Variants in PIK3CD observed in about 807,000 individuals in gnomAD.
PIK3CD encodes the protein phosphatidylinositol 4,5-bisphosphate 3-kinase catalytic subunit delta isoform.
Under a neutral mutation model 122.9 loss-of-function variants are expected in PIK3CD, and 20 were observed. The observed-to-expected ratio is 0.16, with a 90% CI of 0.11 to 0.24. The LOEUF is 0.24. Ranked by LOEUF, PIK3CD falls within the 10% of genes least tolerant of loss-of-function variation. PIK3CD has a pLI of 1.00. For synonymous variants in PIK3CD, 596 were observed against 593.4 expected (o/e 1.00, Z -0.06); for missense variants, 787 against 1,406.3 (o/e 0.56, Z 7.04).
chr1:9,708,923 G>A lies in PIK3CD; in HGVS notation c.-32-1501G>A, dbSNP rs184248374. On this transcript the variant is annotated intron_variant, in intron 2 of 23. Coordinates refer to ENST00000377346, the MANE Select transcript of PIK3CD (RefSeq NM_005026.5). ...ACCTGTAGTGGAGTAGGCTAGAGGCGGGGAAGGGAGAAGGGGACCTGGAAG... is the reference window on the plus strand; with the variant it reads ...ACCTGTAGTGGAGTAGGCTAGAGGCAGGGAAGGGAGAAGGGGACCTGGAAG... Among the ~76,000 whole-genome samples the A allele has an allele frequency of 9.4e-4, 143 of 152,298 alleles. 1 individual carries two copies. The Middle Eastern group carries it at 0.031, about 33-fold the overall frequency.
chr1:9,698,478 A>G (rs967229669), intron 2 of PIK3CD, among the ~76,000 whole-genome samples: 3 of 152,228 alleles, frequency 2.0e-5, no homozygotes, highest in Non-Finnish European at 4.4e-5. Context: ...CAACAAGCAT[A>G]TGTCACAGTG....
the PIK3CD span, among the ~76,000 whole-genome samples, chr1:9,633,589 G>A: frequency 9.2e-5 from 14 of 152,342 alleles, no homozygotes; most frequent in African/African-American, 3.4e-4. Context: ...GATTACAGGC[G>A]TGAGCCATCG....
Position 9,689,038 on chromosome 1 carries a change from G to C in PIK3CD, c.-137-2429G>C, listed in dbSNP as rs536881802. On this transcript the variant is annotated intron_variant, in intron 1 of 23. Transcript: ENST00000377346. This position sits in a 1 kb window ranked among gnomAD's most constrained non-coding sequence, Gnocchi z 6.1. ...AGGGAACAGCCAGCAGGCTGGATTTGAGCCCAGAGCCCGGGCTGGCCAATT... is the reference window on the plus strand; with the variant it reads ...AGGGAACAGCCAGCAGGCTGGATTTCAGCCCAGAGCCCGGGCTGGCCAATT... 6.6e-6 allele frequency among the ~76,000 whole-genome samples: 1 copy of C among 152,360 alleles called. No individual in the cohort carries two copies. Among genetic ancestry groups the C allele is most frequent in the South Asian group, 2.1e-4 (1 of 4,834 alleles).
intron 1 of PIK3CD, among the ~76,000 whole-genome samples, chr1:9,688,861 T>C (rs1646074561): frequency 6.6e-6 from 1 of 151,616 alleles, no homozygotes; most frequent in Non-Finnish European, 1.5e-5. Context: ...CAGAGTTTTT[T>C]TTAAGTGCGG....
rs551747298 is a variant in PIK3CD at position 9,675,252 on chromosome 1, A to G, written c.-137-16215A>G. On this transcript the variant is annotated intron_variant, in intron 1 of 23. Transcript: ENST00000377346. ...TACAAAAAAATTAGCCGGGCGTGGT[A>G]GCGGGCGCCTGTAGTCCCAGCTACT... Among the ~76,000 whole-genome samples the G allele has an allele frequency of 1.4e-3, 212 of 149,648 alleles. 1 individual carries two copies. The highest frequency in any genetic ancestry group is 2.6e-3 in the Non-Finnish European group (172 of 67,370).
At chr1:9,647,481 AATTATTATTATTATTATTATT>A (rs61118085), upstream of PIK3CD, among the ~76,000 whole-genome samples, 1 of 139,450 alleles carries the variant, frequency 7.2e-6, no homozygotes, top group Non-Finnish European at 1.5e-5. Flanking sequence ...TCATGATTCT[AATTATTATTATTATTATTATT>A]ATTATTATTA....
rs370071414 is a variant in PIK3CD at position 9,702,053 on chromosome 1, G to A, written c.-32-8371G>A. ...TCTGTTGCCCAGGCTGAAGTGCAGTGGTGCGATCTCGGCTCACTGCAACCT... is the reference window on the plus strand; with the variant it reads ...TCTGTTGCCCAGGCTGAAGTGCAGTAGTGCGATCTCGGCTCACTGCAACCT... On this transcript the variant is annotated intron_variant, in intron 2 of 23. Coordinates refer to ENST00000377346, the MANE Select transcript of PIK3CD (RefSeq NM_005026.5). Among the ~76,000 whole-genome samples the A allele has an allele frequency of 8.4e-4, 127 of 151,184 alleles. 1 individual carries two copies. The Middle Eastern group carries it at 0.031, about 36-fold the overall frequency.
chr1:9,658,197 A>G (rs1348177170), intron 1 of PIK3CD, among the ~76,000 whole-genome samples: 1 of 152,038 alleles, frequency 6.6e-6, no homozygotes, highest in Non-Finnish European at 1.5e-5. Context: ...AGCCTGGGCA[A>G]CATAGTAAGA....
intron 2 of PIK3CD, among the ~76,000 whole-genome samples, chr1:9,702,500 C>CTT (rs60167511): frequency 0.028 from 710 of 25,776 alleles, 253 homozygotes; most frequent in South Asian, 0.051. Flanking sequence ...AAGAACTTTC[C>CTT]TTTTTTTTTT....
At chr1:9,686,907 C>T (rs1368980225) in intron 1 of PIK3CD, among the ~76,000 whole-genome samples, 1 of 152,178 alleles carries the variant, frequency 6.6e-6, no homozygotes, top group Non-Finnish European at 1.5e-5. Flanking sequence ...ATTTTCCATG[C>T]ATCTGTATTC....
intron 1 of PIK3CD, among the ~76,000 whole-genome samples, chr1:9,687,707 G>A (rs1356236569): frequency 6.6e-6 from 1 of 152,192 alleles, no homozygotes; most frequent in Non-Finnish European, 1.5e-5. Flanking sequence ...TGTGAAGAGC[G>A]AGAGCGCGTG....
At chr1:9,646,382 C>T in the PIK3CD span, among the ~76,000 whole-genome samples, 1 of 152,214 alleles carries the variant, frequency 6.6e-6, no homozygotes, top group Non-Finnish European at 1.5e-5. Context: ...ATGCAGTGCA[C>T]ATCACGAGGC....
chr1:9,688,900 C>A (rs547437494), intron 1 of PIK3CD, among the ~76,000 whole-genome samples: 5 of 152,190 alleles, frequency 3.3e-5, no homozygotes, highest in African/African-American at 1.2e-4. Context: ...GTTGTTACTG[C>A]ACGCACACCG....
At position 9,681,507 on chromosome 1, in the gene PIK3CD, C is replaced by T. The variant is rs183782626; in HGVS notation, c.-137-9960C>T. Among the ~76,000 whole-genome samples the T allele has an allele frequency of 2.8e-3, 424 of 152,284 alleles. 10 individuals carry two copies. Among genetic ancestry groups the T allele is most frequent in the Admixed American group, 0.026 (396 of 15,284 alleles). ...TCGGCTCACTGCAACCTCCCCTTCC[C>T]GGGTTAAAGCGATTCTCCTGCCTCA... On this transcript the variant is annotated intron_variant, in intron 1 of 23. Coordinates refer to ENST00000377346, the MANE Select transcript of PIK3CD (RefSeq NM_005026.5).
rs1267129964 is a variant in PIK3CD, at chr1:9,719,782, A to G, written c.1243-139A>G. ...AAAAAGCGGCTCCTCTCCTTCCCCA[A>G]GCAGGGTCTCCCAGGGGTCTGGTTG... On this transcript the variant is annotated intron_variant, in intron 9 of 23. Coordinates refer to ENST00000377346, the MANE Select transcript of PIK3CD (RefSeq NM_005026.5). The surrounding 1 kb of genome is among the most constrained non-coding windows in gnomAD (Gnocchi z 5.5). 1.3e-6 allele frequency: 1 copy of G among 773,432 alleles called. No homozygotes were observed. 47.9% of individuals were successfully genotyped at this position (773,432 alleles called of 1,614,324 possible).
Position 9,710,675 on chromosome 1 carries a change from AGACAGACAGATGGACAGGTGGACAGACG to A in PIK3CD, c.141+97_141+124del, listed in dbSNP as rs1452555597. 24 of 1,512,624 alleles carry A rather than the reference AGACAGACAGATGGACAGGTGGACAGACG, an allele frequency of 1.6e-5. No homozygotes were observed. In the East Asian group the frequency reaches 3.4e-4, roughly 21 times the overall value. 93.7% of individuals were successfully genotyped at this position (1,512,624 alleles called of 1,614,324 possible). A position where few individuals can be genotyped will look rare whatever the true frequency, so the allele number is the denominator to read the frequency against. On this transcript the variant is annotated intron_variant, in intron 3 of 23. Coordinates refer to ENST00000377346, the MANE Select transcript of PIK3CD (RefSeq NM_005026.5). This position sits in a 1 kb window ranked among gnomAD's most constrained non-coding sequence, Gnocchi z 4.7. ...GAGAGACACAGATAGACAGACAGAC[AGACAGACAGATGGACAGGTGGACAGACG>A]GACAGACAGATGGACAGATGCACTG...
chr1:9,654,788 G>A (rs556741409), intron 1 of PIK3CD, among the ~76,000 whole-genome samples: 1 of 152,088 alleles, frequency 6.6e-6, no homozygotes, highest in South Asian at 2.1e-4. Flanking sequence ...GGCTGGGCGC[G>A]GTGGCTCACG....
At chr1:9,684,092 C>G (rs1417161300) in intron 1 of PIK3CD, among the ~76,000 whole-genome samples, 1 of 152,154 alleles carries the variant, frequency 6.6e-6, no homozygotes. Context: ...ATGGCCTCAC[C>G]TCTCAAGTCA....
intron 2 of PIK3CD, among the ~76,000 whole-genome samples, chr1:9,696,406 G>C (rs1477419237): frequency 6.6e-6 from 1 of 151,444 alleles, no homozygotes; most frequent in East Asian, 2.0e-4. Context: ...GGGCAACATA[G>C]TGAGACCCCA....
Sources: allele counts gnomAD v4.1 joint callset (sites outside exome capture counted in the v4.1 genomes callset), GRCh38; gene constraint gnomAD v4.1.1; non-coding constraint Gnocchi (gnomAD v3.1); transcripts MANE v1.5; gene names NCBI Gene and HGNC (gene_info 2026-07-23, HGNC 2026-07-21).